The following IPO11 variants were observed in gnomAD, a reference collection of about 807,000 sequenced individuals.
IPO11 encodes importin 11, also known as importin-11.
IPO11 carries 66 observed loss-of-function variants against 143.2 expected under a neutral mutation model. The observed-to-expected ratio is 0.46, with a 90% CI of 0.38 to 0.57. The LOEUF (loss-of-function observed/expected upper bound fraction) is 0.57, where lower values mean the gene tolerates loss of function less well. Among genes scored for constraint, IPO11 ranks in the 20% least tolerant of loss-of-function variants. The pLI, the probability that IPO11 is intolerant of heterozygous loss-of-function variation, is 0.00. For missense variants in IPO11, 1,026 were observed against 1,141.0 expected, an observed-to-expected ratio of 0.90 and a Z score of 1.45; for synonymous variants, 385 against 377.8, an observed-to-expected ratio of 1.02 and a Z score of -0.22.
intron 29 of IPO11, among the ~76,000 whole-genome samples, chr5:62,621,353 A>G (rs1196349960): frequency 2.0e-5 from 3 of 152,220 alleles, no homozygotes; most frequent in African/African-American, 7.2e-5. Flanking sequence ...AAAACTCAGC[A>G]AAGTGACAGG....
At chr5:62,603,488 A>C (rs1036362086) in intron 29 of IPO11, among the ~76,000 whole-genome samples, 5 of 152,146 alleles carry the variant, frequency 3.3e-5, no homozygotes, top group Non-Finnish European at 7.3e-5. Flanking sequence ...CATTTTTGCA[A>C]CCCACTTATT....
At position 62,627,442 on chromosome 5, in the gene IPO11, T is replaced by G; in HGVS notation, c.*124T>G. 1.2e-6 allele frequency: 1 copy of G among 842,694 alleles called. No homozygotes were observed. The highest frequency in any genetic ancestry group is 1.8e-6 in the Non-Finnish European group (1 of 549,060). 52.2% of individuals were successfully genotyped at this position (842,694 alleles called of 1,614,324 possible). ...CATGAAAATAAGCAAAGACCACACA[T>G]TTTTTACTACAAAATGTAAAGGATA... On this transcript the variant is annotated 3_prime_UTR_variant, in exon 30 of 30. Coordinates refer to ENST00000325324, the MANE Select transcript of IPO11 (RefSeq NM_016338.5).
At chr5:62,593,505 C>A (rs193029588) in intron 28 of IPO11, among the ~76,000 whole-genome samples, 14 of 151,960 alleles carry the variant, frequency 9.2e-5, no homozygotes, top group South Asian at 4.2e-4. Context: ...ACAACAACAA[C>A]AAAAAAAGTG....
chr5:62,549,140 T>C (rs140896566), intron 24 of IPO11, among the ~76,000 whole-genome samples: 154 of 152,312 alleles, frequency 1.0e-3, no homozygotes, highest in African/African-American at 3.6e-3. Context: ...AGATAAAATT[T>C]TATTGTTTCA....
At chr5:62,457,424 T>C (rs1031560201) in intron 5 of IPO11, among the ~76,000 whole-genome samples, 2 of 152,074 alleles carry the variant, frequency 1.3e-5, no homozygotes, top group Non-Finnish European at 2.9e-5. Context: ...TTTGAGGCTG[T>C]AGTGATATAT....
At chr5:62,504,739 A>G in intron 17 of IPO11, 39 bp downstream of exon 17, 1 of 1,403,618 alleles carries the variant, frequency 7.1e-7, no homozygotes, top group East Asian at 2.4e-5. Context: ...CATTGCAAAG[A>G]ACTTTAACAC....
chr5:62,442,096 GA>G (rs911518746), intron 2 of IPO11, among the ~76,000 whole-genome samples: 1 of 152,016 alleles, frequency 6.6e-6, no homozygotes, highest in African/African-American at 2.4e-5. Context: ...CGCCTGCCTC[GA>G]CCTCCCAAAG....
chr5:62,423,570 G>A (rs76408663), intron 1 of IPO11, among the ~76,000 whole-genome samples: 1 of 152,098 alleles, frequency 6.6e-6, no homozygotes, highest in Non-Finnish European at 1.5e-5. Context: ...GTCCGTTAGC[G>A]GCCATTTTAA....
intron 29 of IPO11, among the ~76,000 whole-genome samples, chr5:62,619,853 C>T (rs1313285316): frequency 6.7e-6 from 1 of 150,012 alleles, no homozygotes. Context: ...GGCGAGACTC[C>T]ACCTCAAAAA....
chr5:62,572,160 G>C (rs1744149458), intron 27 of IPO11, among the ~76,000 whole-genome samples: 2 of 151,990 alleles, frequency 1.3e-5, no homozygotes, highest in Admixed American at 1.3e-4. Flanking sequence ...CCACAATCTG[G>C]TTTTACTATT....
chr5:62,437,783 G>T (rs1744294766), intron 2 of IPO11, among the ~76,000 whole-genome samples: 1 of 152,126 alleles, frequency 6.6e-6, no homozygotes, highest in East Asian at 1.9e-4. Flanking sequence ...CCACATTGCA[G>T]CATCAATGTC....
rs374894283 is a variant in IPO11, at chr5:62,545,883, T to C, written c.2251-4484T>C. On this transcript the variant is annotated intron_variant, in intron 24 of 29. Coordinates refer to ENST00000325324, the MANE Select transcript of IPO11 (RefSeq NM_016338.5). ...CACTGGCCATCAGAGAAATGCAAAT[T>C]AAAACCACAATGAGATACCATCTCA... Among the ~76,000 whole-genome samples, 9 of 152,188 alleles carry C rather than the reference T, an allele frequency of 5.9e-5. 1 individual carries two copies. The East Asian group carries it at 7.7e-4, about 13-fold the overall frequency.
At chr5:62,454,041 A>T (rs1745034465) in intron 5 of IPO11, among the ~76,000 whole-genome samples, 2 of 152,172 alleles carry the variant, frequency 1.3e-5, no homozygotes, top group African/African-American at 4.8e-5. Flanking sequence ...AGGCTGAGGC[A>T]GGAGAATGAC....
intron 26 of IPO11, among the ~76,000 whole-genome samples, chr5:62,558,269 G>T (rs957848874): frequency 2.0e-5 from 3 of 152,180 alleles, no homozygotes; most frequent in Admixed American, 6.5e-5. Context: ...ATCTGCAGGA[G>T]TACAGTGAAG....
chr5:62,439,841 C>T (rs918939417), intron 2 of IPO11, among the ~76,000 whole-genome samples: 1 of 152,138 alleles, frequency 6.6e-6, no homozygotes, highest in African/African-American at 2.4e-5. Context: ...TCTTACCTAG[C>T]TGTCCATTCT....
At chr5:62,581,923 A>G (rs1744581804) in intron 27 of IPO11, among the ~76,000 whole-genome samples, 1 of 152,214 alleles carries the variant, frequency 6.6e-6, no homozygotes, top group African/African-American at 2.4e-5. Context: ...AAGAATAAAT[A>G]GAAATTAGCC....
chr5:62,479,689 T>C (rs1433255113), intron 9 of IPO11, among the ~76,000 whole-genome samples: 1 of 152,210 alleles, frequency 6.6e-6, no homozygotes, highest in Non-Finnish European at 1.5e-5. Flanking sequence ...TGATAGCCAG[T>C]GATGATGAGC....
intron 24 of IPO11, among the ~76,000 whole-genome samples, chr5:62,543,295 G>T (rs1743029180): frequency 6.6e-6 from 1 of 152,168 alleles, no homozygotes; most frequent in African/African-American, 2.4e-5. Flanking sequence ...GTAGAATTCG[G>T]CTGTGAATCC....
At chr5:62,438,350 TAA>T (rs969373247) in intron 2 of IPO11, among the ~76,000 whole-genome samples, 1 of 146,682 alleles carries the variant, frequency 6.8e-6, no homozygotes, top group East Asian at 2.0e-4. Context: ...AACAGAATCG[TAA>T]AAAAAAAAAG....
Sources: gnomAD v4.1 joint callset for allele counts (sites outside exome capture counted in the v4.1 genomes callset) on GRCh38, gnomAD v4.1.1 for gene constraint, MANE v1.5 for transcripts, NCBI Gene and HGNC (gene_info 2026-07-23, HGNC 2026-07-21) for gene names.